The following DCDC2 variants were observed in gnomAD, a reference collection of about 807,000 sequenced individuals.
The protein encoded by DCDC2 is doublecortin domain containing 2.
Under a neutral mutation model 50.2 loss-of-function variants are expected in DCDC2, and 40 were observed. That is an observed-to-expected ratio of 0.80 (90% CI 0.62 to 1.04). The LOEUF is 1.04. DCDC2 is among the 50% of genes least tolerant of loss of function. The pLI, the probability that DCDC2 is intolerant of heterozygous loss-of-function variation, is 0.00. For synonymous variants in DCDC2, 234 were observed against 210.6 expected (o/e 1.11, Z -0.96); for missense variants, 570 against 581.9 (o/e 0.98, Z 0.21).
At chr6:24,238,529 C>T (rs983656507) in intron 7 of DCDC2, among the ~76,000 whole-genome samples, 1 of 151,946 alleles carries the variant, frequency 6.6e-6, no homozygotes, top group Non-Finnish European at 1.5e-5. Flanking sequence ...AAACTCCTAA[C>T]CTCAGGTGAT....
At chr6:24,224,908 G>T (rs1489453025) in intron 7 of DCDC2, among the ~76,000 whole-genome samples, 1 of 152,140 alleles carries the variant, frequency 6.6e-6, no homozygotes, top group Non-Finnish European at 1.5e-5. Flanking sequence ...GAAGTTTTAA[G>T]GGAAGGGACC....
In DCDC2 at chr6:24,357,992, C is replaced by G; in HGVS notation, c.-242G>C. On this transcript the variant is annotated 5_prime_UTR_variant, in exon 1 of 10. Transcript: ENST00000378454. ...TTTCACCGTGGCGTGCACAGCCAAT[C>G]AGGACCCGCAGTGCGCGCACCACAC... is the stretch of plus-strand genomic sequence containing the variant. 7.2e-7 allele frequency: 1 copy of G among 1,396,794 alleles called. No homozygotes were observed. Among genetic ancestry groups the G allele is most frequent in the Non-Finnish European group, 9.5e-7 (1 of 1,048,896 alleles). 86.5% of individuals were successfully genotyped at this position (1,396,794 alleles called of 1,614,324 possible).
chr6:24,213,204 G>A (rs1386825297), intron 7 of DCDC2, among the ~76,000 whole-genome samples: 1 of 152,066 alleles, frequency 6.6e-6, no homozygotes, highest in Non-Finnish European at 1.5e-5. Flanking sequence ...TGAGATTTAT[G>A]AGGATGAGTA....
chr6:24,190,599 C>A (rs893495865), intron 8 of DCDC2, among the ~76,000 whole-genome samples: 5 of 152,158 alleles, frequency 3.3e-5, no homozygotes, highest in Non-Finnish European at 7.3e-5. Context: ...TGTTGATTTT[C>A]TTTCATTTAT....
intron 2 of DCDC2, among the ~76,000 whole-genome samples, chr6:24,318,253 A>C (rs1759708372): frequency 1.3e-5 from 2 of 152,084 alleles, no homozygotes; most frequent in Admixed American, 1.3e-4. Context: ...AACAACCTAA[A>C]TGTCCATACA....
intron 2 of DCDC2, among the ~76,000 whole-genome samples, chr6:24,332,276 T>C (rs193128573): frequency 7.9e-5 from 12 of 152,166 alleles, no homozygotes; most frequent in Non-Finnish European, 1.2e-4. Context: ...ATAAATGCAA[T>C]AGGAGTGATG....
At chr6:24,358,865 AT>A (rs1274013678), upstream of DCDC2, among the ~76,000 whole-genome samples, 108 of 27,916 alleles carry the variant, frequency 3.9e-3, 2 homozygotes, top group Admixed American at 5.7e-3. Flanking sequence ...TATAATATAT[AT>A]AATATATATG....
intron 8 of DCDC2, among the ~76,000 whole-genome samples, chr6:24,201,651 T>A (rs181534671): frequency 6.6e-6 from 1 of 151,934 alleles, no homozygotes; most frequent in African/African-American, 2.4e-5. Flanking sequence ...ATAACTAAGA[T>A]CCAAGCAGAA....
chr6:24,330,507 C>T (rs77324455), intron 2 of DCDC2, among the ~76,000 whole-genome samples: 1,999 of 152,304 alleles, frequency 0.013, 22 homozygotes, highest in Middle Eastern at 0.044. Flanking sequence ...AATTTGGCCT[C>T]TAAAACTATC....
chr6:24,205,630 T>C (rs187729801), intron 7 of DCDC2, among the ~76,000 whole-genome samples: 5 of 151,918 alleles, frequency 3.3e-5, no homozygotes, highest in Middle Eastern at 3.4e-3. Context: ...AAAAAATCAG[T>C]ATCATTTATT....
At chr6:24,214,504 C>A (rs1027845315) in intron 7 of DCDC2, among the ~76,000 whole-genome samples, 1 of 152,038 alleles carries the variant, frequency 6.6e-6, no homozygotes, top group South Asian at 2.1e-4. Context: ...TATTTCCTAA[C>A]CTATATAAAT....
intron 7 of DCDC2, among the ~76,000 whole-genome samples, chr6:24,268,063 C>T (rs989000906): frequency 1.3e-5 from 2 of 152,122 alleles, no homozygotes; most frequent in Admixed American, 6.5e-5. Context: ...CAAGTAAAAG[C>T]GTGGAATACG....
At chr6:24,376,093 G>C in the DCDC2 span, among the ~76,000 whole-genome samples, 1 of 152,142 alleles carries the variant, frequency 6.6e-6, no homozygotes, top group African/African-American at 2.4e-5. Flanking sequence ...AAGTAAAATT[G>C]GTCCCAGTCA....
chr6:24,359,686 C>A (rs1018856482), upstream of DCDC2, among the ~76,000 whole-genome samples: 1 of 148,664 alleles, frequency 6.7e-6, no homozygotes, highest in Non-Finnish European at 1.5e-5. Context: ...CACTTGAGCC[C>A]GGGAGTTTGA....
chr6:24,192,843 A>G (rs541142391), intron 8 of DCDC2, among the ~76,000 whole-genome samples: 152 of 152,204 alleles, frequency 1.0e-3, no homozygotes, highest in Admixed American at 2.2e-3. Flanking sequence ...GAAGAAAATT[A>G]TCAAAGAAAC....
At chr6:24,350,193 C>A (rs793675) in intron 2 of DCDC2, among the ~76,000 whole-genome samples, 151,193 of 152,328 alleles carry the variant, frequency 0.99, 75,043 homozygotes, top group Middle Eastern at 1. Flanking sequence ...ACCACAAAAG[C>A]ATTTCCAATG....
intron 4 of DCDC2, among the ~76,000 whole-genome samples, chr6:24,298,520 C>T (rs536097071): frequency 6.6e-6 from 1 of 152,134 alleles, no homozygotes; most frequent in Non-Finnish European, 1.5e-5. Context: ...TCTCCATAAC[C>T]CTGGGCAAAT....
chr6:24,202,311 T>C (rs1761606799), intron 8 of DCDC2, among the ~76,000 whole-genome samples: 1 of 152,202 alleles, frequency 6.6e-6, no homozygotes, highest in African/African-American at 2.4e-5. Flanking sequence ...ATCCCTGGGA[T>C]GGAAGCCTGG....
At chr6:24,338,651 T>C (rs1438438746) in intron 2 of DCDC2, among the ~76,000 whole-genome samples, 1 of 152,146 alleles carries the variant, frequency 6.6e-6, no homozygotes, top group Non-Finnish European at 1.5e-5. Context: ...TTGGTTTTAT[T>C]TATTTAATTT....
Sources: allele counts gnomAD v4.1 joint callset (sites outside exome capture counted in the v4.1 genomes callset), GRCh38; gene constraint gnomAD v4.1.1; transcripts MANE v1.5; gene names NCBI Gene and HGNC (gene_info 2026-07-23, HGNC 2026-07-21).